GABRG3: variants seen among roughly 807,000 people sequenced by gnomAD.
GABRG3 encodes gamma-aminobutyric acid type A receptor subunit gamma3, also known as gamma-aminobutyric acid receptor subunit gamma-3.
A neutral mutation model predicts 48.8 loss-of-function variants in GABRG3; 25 were observed. The ratio of observed to expected loss-of-function variants is 0.51; its 90% CI spans 0.37 to 0.72. GABRG3 has a LOEUF of 0.72. Ranked by LOEUF, GABRG3 falls within the 30% of genes least tolerant of loss-of-function variation. The pLI, the probability that GABRG3 is intolerant of heterozygous loss-of-function variation, is 0.00. For missense variants in GABRG3, 394 were observed against 577.9 expected, an observed-to-expected ratio of 0.68 and a Z score of 3.26; for synonymous variants, 227 against 217.6, an observed-to-expected ratio of 1.04 and a Z score of -0.38.
chr15:27,062,434 T>TCCAA (rs773271266), intron 3 of GABRG3, among the ~76,000 whole-genome samples: 1 of 32,826 alleles, frequency 3.0e-5, no homozygotes. Context: ...CCATCTCTAC[T>TCCAA]AAAAAAAAAA....
intron 6 of GABRG3, 163 bp downstream of exon 6, chr15:27,480,950 A>G (rs1413592333): frequency 2.1e-6 from 3 of 1,417,106 alleles, no homozygotes; most frequent in Non-Finnish European, 2.8e-6. Flanking sequence ...TCATGTTTTA[A>G]TTGGTATGGG....
chr15:27,219,681 C>T (rs951958217), intron 3 of GABRG3, among the ~76,000 whole-genome samples: 4 of 152,364 alleles, frequency 2.6e-5, no homozygotes, highest in African/African-American at 7.2e-5. Flanking sequence ...CTCTTGCTGG[C>T]TGGCCACTGT....
At chr15:27,381,991 C>T (rs963438795) in intron 5 of GABRG3, among the ~76,000 whole-genome samples, 2 of 152,188 alleles carry the variant, frequency 1.3e-5, no homozygotes, top group African/African-American at 2.4e-5. Flanking sequence ...AACTTGTTAT[C>T]TTAGAACATA....
intron 3 of GABRG3, among the ~76,000 whole-genome samples, chr15:27,165,617 C>T (rs1353427750): frequency 2.0e-5 from 3 of 151,990 alleles, no homozygotes; most frequent in African/African-American, 7.2e-5. Flanking sequence ...TTCTCTTTAA[C>T]ATGTGTGCTC....
At chr15:27,380,156 C>G (rs955783281) in intron 5 of GABRG3, among the ~76,000 whole-genome samples, 5 of 152,096 alleles carry the variant, frequency 3.3e-5, no homozygotes, top group African/African-American at 1.2e-4. Flanking sequence ...TCAGCCATGT[C>G]CAATCTATTA....
At chr15:27,228,011 AAC>A (rs1414324474) in intron 3 of GABRG3, among the ~76,000 whole-genome samples, 12 of 152,240 alleles carry the variant, frequency 7.9e-5, no homozygotes, top group Non-Finnish European at 1.5e-5. Context: ...TGCCTGTGAA[AAC>A]ACACTAAATG....
intron 3 of GABRG3, among the ~76,000 whole-genome samples, chr15:27,217,320 C>T (rs529189042): frequency 6.6e-6 from 1 of 152,256 alleles, no homozygotes; most frequent in Admixed American, 6.5e-5. Context: ...CTCCTATGGC[C>T]CTTTGTAATA....
chr15:27,061,043 A>AAG (rs1362547313), intron 3 of GABRG3, among the ~76,000 whole-genome samples: 1 of 152,248 alleles, frequency 6.6e-6, no homozygotes, highest in East Asian at 1.9e-4. Flanking sequence ...TTGAATGTAA[A>AAG]AGATGAGAAG....
chr15:27,307,054 T>TATAAACATATCTAAA (rs1372974969), intron 3 of GABRG3, among the ~76,000 whole-genome samples: 1 of 125,368 alleles, frequency 8.0e-6, no homozygotes, highest in African/African-American at 3.3e-5. Flanking sequence ...CATGTTTATA[T>TATAAACATATCTAAA]ATAAACATGT....
At chr15:26,979,184 T>C (rs1019869272) in intron 2 of GABRG3, among the ~76,000 whole-genome samples, 2 of 152,260 alleles carry the variant, frequency 1.3e-5, no homozygotes, top group African/African-American at 4.8e-5. Context: ...ATGTGTTCTC[T>C]GACTTGCTGA....
At position 27,205,039 on chromosome 15, in the gene GABRG3, C is replaced by T. The variant is rs191698694; in HGVS notation, c.271-121770C>T. Among the ~76,000 whole-genome samples the T allele has an allele frequency of 2.0e-3, 304 of 151,692 alleles. 1 individual carries two copies. The highest frequency in any genetic ancestry group is 6.8e-3 in the Middle Eastern group (2 of 294). On this transcript the variant is annotated intron_variant, in intron 3 of 9. Coordinates refer to ENST00000615808, the MANE Select transcript of GABRG3 (RefSeq NM_033223.5). The stretch of plus-strand genomic sequence containing the variant: ...TATTTGTGTGTCTTTTTTTTCTATG[C>T]CTTTTATTTCTTTCTCTTGCCTTAT...
At chr15:27,033,000 C>CT (rs35121636) in intron 3 of GABRG3, among the ~76,000 whole-genome samples, 54,064 of 152,044 alleles carry the variant, frequency 0.36, 9,821 homozygotes, top group East Asian at 0.48. Context: ...TACAGCCCTT[C>CT]TTTTTAAGCC....
chr15:27,114,232 A>G (rs1897604114), intron 3 of GABRG3, among the ~76,000 whole-genome samples: 2 of 152,228 alleles, frequency 1.3e-5, no homozygotes, highest in Non-Finnish European at 2.9e-5. Flanking sequence ...TCTACCAAAT[A>G]GTATTTAGAG....
At chr15:27,273,793 A>G (rs1891165238) in intron 3 of GABRG3, among the ~76,000 whole-genome samples, 1 of 152,192 alleles carries the variant, frequency 6.6e-6, no homozygotes, top group South Asian at 2.1e-4. Flanking sequence ...CATTTCCCAG[A>G]CTTTCTTATC....
At chr15:27,351,747 AGT>A (rs982870489) in intron 5 of GABRG3, among the ~76,000 whole-genome samples, 4 of 137,088 alleles carry the variant, frequency 2.9e-5, no homozygotes, top group African/African-American at 8.4e-5. Flanking sequence ...TGTATGTATG[AGT>A]GTGTTTATGG....
intron 3 of GABRG3, among the ~76,000 whole-genome samples, chr15:27,248,795 C>CAGAG (rs1890346500): frequency 8.3e-6 from 1 of 119,794 alleles, no homozygotes; most frequent in African/African-American, 3.5e-5. Flanking sequence ...CACACACACA[C>CAGAG]ACACACACAG....
chr15:27,012,720 T>TA (rs1157346982), intron 2 of GABRG3, among the ~76,000 whole-genome samples: 1 of 152,160 alleles, frequency 6.6e-6, no homozygotes, highest in Non-Finnish European at 1.5e-5. Flanking sequence ...CTCATAACTA[T>TA]AAAAAACAGC....
At chr15:27,161,007 G>A (rs967856242) in intron 3 of GABRG3, 4 of 152,000 alleles carry the variant, frequency 2.6e-5, no homozygotes, top group Non-Finnish European at 5.9e-5. Context: ...CAAGGAAAGG[G>A]GCTGGTGCAC....
chr15:26,982,588 C>T (rs1313310777), intron 2 of GABRG3, among the ~76,000 whole-genome samples: 4 of 152,194 alleles, frequency 2.6e-5, no homozygotes, highest in Admixed American at 2.6e-4. Flanking sequence ...GTGCAATAGG[C>T]AAGCAAAATT....
Sources: allele counts gnomAD v4.1 joint callset (sites outside exome capture counted in the v4.1 genomes callset), GRCh38; gene constraint gnomAD v4.1.1; transcripts MANE v1.5; gene names NCBI Gene and HGNC (gene_info 2026-07-23, HGNC 2026-07-21).